The following RUBCN variants were observed in gnomAD, a reference collection of about 807,000 sequenced individuals.
RUBCN encodes rubicon autophagy regulator.
In RUBCN, 74 loss-of-function variants were observed where a neutral mutation model predicts 113.2. The ratio of observed to expected loss-of-function variants is 0.65; its 90% CI spans 0.54 to 0.79. The LOEUF (loss-of-function observed/expected upper bound fraction) is 0.79, where lower values mean the gene tolerates loss of function less well. Ranked by LOEUF, RUBCN falls within the 30% of genes least tolerant of loss-of-function variation. The pLI is 0.00. For missense variants in RUBCN, 1,109 were observed against 1,251.7 expected, an observed-to-expected ratio of 0.89 and a Z score of 1.72; for synonymous variants, 480 against 490.0, an observed-to-expected ratio of 0.98 and a Z score of 0.27.
chr3:197,707,050 G>A (rs571563427), intron 2 of RUBCN, among the ~76,000 whole-genome samples: 2 of 143,126 alleles, frequency 1.4e-5, no homozygotes, highest in East Asian at 3.9e-4. Flanking sequence ...AGTGAAAAGC[G>A]TGTAAAATTG....
At chr3:197,710,646 A>C (rs938821278) in intron 2 of RUBCN, among the ~76,000 whole-genome samples, 2 of 152,078 alleles carry the variant, frequency 1.3e-5, no homozygotes, top group African/African-American at 4.8e-5. Flanking sequence ...CTAGGAAAAA[A>C]TATTTGCAAC....
chr3:197,673,786 A>G lies in RUBCN; in HGVS notation c.*1232T>C, dbSNP rs925850155. 1 of 152,604 alleles carries G rather than the reference A, an allele frequency of 6.6e-6. No homozygotes were observed. The highest frequency in any genetic ancestry group is 6.5e-5 in the Admixed American group (1 of 15,300). 9.5% of individuals were successfully genotyped at this position (152,604 alleles called of 1,614,324 possible). ...AGCATTATCAAATGAACAGATAAAC[A>G]TTACCAGGCTACACAGAGTTAAGTG... On this transcript the variant is annotated 3_prime_UTR_variant, in exon 20 of 20. Transcript: ENST00000296343.
chr3:197,692,271 G>T (rs992135710), intron 11 of RUBCN, among the ~76,000 whole-genome samples: 1 of 151,956 alleles, frequency 6.6e-6, no homozygotes, highest in African/African-American at 2.4e-5. Context: ...TGGGAGGGTG[G>T]TGCCCCAGAC....
Position 197,679,732 on chromosome 3 carries a change from GCT to G in RUBCN, c.2430+1395_2430+1396del, listed in dbSNP as rs572942687. 3.5e-4 allele frequency among the ~76,000 whole-genome samples: 48 copies of G among 138,108 alleles called. 1 individual carries two copies. The highest frequency in any genetic ancestry group is 1.3e-3 in the African/African-American group (46 of 35,850). 90.6% of individuals were successfully genotyped at this position (138,108 alleles called of 152,430 possible). A position where few individuals can be genotyped will look rare whatever the true frequency, so the allele number is the denominator to read the frequency against. ...GACAACTGGCTCCAGACTGTCCTAC[GCT>G]CTGACAACTGGCTCCAGACTGTCCT... is the stretch of plus-strand genomic sequence containing the variant. On this transcript the variant is annotated intron_variant, in intron 16 of 19. Coordinates refer to ENST00000296343, the MANE Select transcript of RUBCN (RefSeq NM_014687.4).
chr3:197,690,430 C>T (rs1278575253), intron 11 of RUBCN, among the ~76,000 whole-genome samples: 5 of 152,136 alleles, frequency 3.3e-5, no homozygotes, highest in Non-Finnish European at 5.9e-5. Flanking sequence ...AAGAGCGAAA[C>T]TCCGTCTCAA....
intron 1 of RUBCN, among the ~76,000 whole-genome samples, chr3:197,723,419 C>T (rs537977055): frequency 9.9e-5 from 15 of 152,262 alleles, no homozygotes; most frequent in Admixed American, 7.8e-4. Flanking sequence ...CTCTTGACCT[C>T]AAGTGACCTG....
chr3:197,704,427 T>A, intron 4 of RUBCN, 115 bp downstream of exon 4: 1 of 977,208 alleles, frequency 1.0e-6, no homozygotes. Context: ...AGAGCGTAAG[T>A]CCATCTCAAA....
At chr3:197,716,811 G>A (rs904721006) in intron 2 of RUBCN, among the ~76,000 whole-genome samples, 5 of 152,214 alleles carry the variant, frequency 3.3e-5, no homozygotes, top group African/African-American at 1.2e-4. Flanking sequence ...TGGTCCATAA[G>A]GAGAGAAAGG....
At chr3:197,748,714 C>G (rs1728867740) in intron 1 of RUBCN, among the ~76,000 whole-genome samples, 2 of 152,176 alleles carry the variant, frequency 1.3e-5, no homozygotes, top group Non-Finnish European at 1.5e-5. Flanking sequence ...GCTTTAAATT[C>G]AGGCCTGGAA....
chr3:197,701,958 G>T, intron 5 of RUBCN, 94 bp from the exon 6 acceptor site: 1 of 1,184,300 alleles, frequency 8.4e-7, no homozygotes, highest in Non-Finnish European at 1.2e-6. Flanking sequence ...TGCCATAGAA[G>T]CTACCTTTGC....
At chr3:197,733,980 G>C (rs1162498114) in intron 1 of RUBCN, among the ~76,000 whole-genome samples, 5 of 152,162 alleles carry the variant, frequency 3.3e-5, no homozygotes, top group African/African-American at 1.2e-4. Context: ...CTCGGGCCGG[G>C]CACGGTGGTT....
At position 197,736,790 on chromosome 3, in the gene RUBCN, G is replaced by A; in HGVS notation, c.-71C>T. On this transcript the variant is annotated 5_prime_UTR_variant, in exon 1 of 20. Coordinates refer to ENST00000296343, the MANE Select transcript of RUBCN (RefSeq NM_014687.4). ...CGCTTCGCCCTTCAGGGCTCCCGGG[G>A]CCCCCTGGGGCCGGAGGAGGCACCT... 2 of 1,485,728 alleles carry A rather than the reference G, an allele frequency of 1.3e-6. No homozygotes were observed. Among genetic ancestry groups the A allele is most frequent in the Non-Finnish European group, 1.8e-6 (2 of 1,125,602 alleles). 92.0% of individuals were successfully genotyped at this position (1,485,728 alleles called of 1,614,324 possible).
intron 11 of RUBCN, among the ~76,000 whole-genome samples, chr3:197,691,488 C>T (rs1052869470): frequency 2.6e-5 from 4 of 152,138 alleles, no homozygotes; most frequent in African/African-American, 4.8e-5. Context: ...AAACATCTTA[C>T]AGTCCACAGC....
intron 7 of RUBCN, among the ~76,000 whole-genome samples, 191 bp from the exon 8 acceptor site, chr3:197,697,240 A>G (rs975780522): frequency 2.6e-5 from 4 of 152,190 alleles, no homozygotes; most frequent in African/African-American, 9.7e-5. Context: ...AGGTCAGTAC[A>G]TTCTAAGTGG....
Position 197,669,537 on chromosome 3 carries a change from G to GT in RUBCN, c.*5480dup, listed in dbSNP as rs1719595960. ...TCAGGGAAGATGTACCCCTTTCATTGTATTAGTAGGTACATGACATCCAAT... is the reference window on the plus strand; with the variant it reads ...TCAGGGAAGATGTACCCCTTTCATTGTTATTAGTAGGTACATGACATCCAAT... On this transcript the variant is annotated 3_prime_UTR_variant, in exon 20 of 20. Transcript: ENST00000296343. Among the ~76,000 whole-genome samples, 1 of 152,316 alleles carries GT rather than the reference G, an allele frequency of 6.6e-6. No homozygotes were observed.
Position 197,674,140 on chromosome 3 carries a change from A to G in RUBCN, c.*878T>C, listed in dbSNP as rs1056975786. The G allele has an allele frequency of 6.6e-6, 1 of 152,558 alleles. No individual in the cohort carries two copies. Among genetic ancestry groups the G allele is most frequent in the Non-Finnish European group, 1.5e-5 (1 of 68,206 alleles). The allele number at this position is 152,558 out of a possible 1,614,324, so 9.5% of individuals were successfully genotyped here. A position where few individuals can be genotyped will look rare whatever the true frequency, so the allele number is the denominator to read the frequency against. ...GCATCAGGGACCTGCCTGAGCTTCA[A>G]AGATCACACCTGCACCAAAAAGCCA... On this transcript the variant is annotated 3_prime_UTR_variant, in exon 20 of 20. Transcript: ENST00000296343.
intron 7 of RUBCN, among the ~76,000 whole-genome samples, chr3:197,697,594 CG>C (rs1723154134): frequency 6.6e-6 from 1 of 152,132 alleles, no homozygotes; most frequent in Non-Finnish European, 1.5e-5. Flanking sequence ...GGCTCCGTTA[CG>C]GGGCTCGGCC....
chr3:197,748,568 A>G (rs1728859500), intron 1 of RUBCN: 1 of 152,204 alleles, frequency 6.6e-6, no homozygotes, highest in Non-Finnish European at 1.5e-5. Flanking sequence ...GCTTACAAAA[A>G]AGTCATGGTT....
At chr3:197,745,469 G>C (rs1202229298) in intron 1 of RUBCN, among the ~76,000 whole-genome samples, 1 of 150,684 alleles carries the variant, frequency 6.6e-6, no homozygotes, top group Middle Eastern at 3.6e-3. Context: ...TACAAAATTA[G>C]CTCAGCATGG....
Sources: gnomAD v4.1 joint callset for allele counts (sites outside exome capture counted in the v4.1 genomes callset) on GRCh38, gnomAD v4.1.1 for gene constraint, MANE v1.5 for transcripts, NCBI Gene and HGNC (gene_info 2026-07-23, HGNC 2026-07-21) for gene names.